Variants in NME7 observed in about 807,000 individuals in gnomAD.
NME7 encodes the protein NME/NM23 family member 7.
In NME7, 41 loss-of-function variants were observed where a neutral mutation model predicts 49.1. That is an observed-to-expected ratio of 0.83 (90% CI 0.65 to 1.08). The LOEUF is 1.08. Among genes scored for constraint, NME7 ranks in the 50% least tolerant of loss-of-function variants. The pLI is 0.00. For missense variants in NME7, 423 were observed against 463.4 expected (o/e 0.91, Z 0.80); for synonymous variants, 139 against 150.6 (o/e 0.92, Z 0.56).
intron 10 of NME7, chr1:169,190,678 A>G (rs1230591268): frequency 9.0e-6 from 4 of 446,466 alleles, no homozygotes; most frequent in African/African-American, 8.1e-5. Flanking sequence ...GCCTAAATTC[A>G]CTTGTGAGAA....
At chr1:169,248,872 T>C (rs1008808783) in intron 7 of NME7, among the ~76,000 whole-genome samples, 2 of 137,330 alleles carry the variant, frequency 1.5e-5, no homozygotes, top group African/African-American at 5.1e-5. Context: ...TTTTTGTAAC[T>C]ACAGCCTTGT....
chr1:169,336,954 G>A (rs1275134603), intron 1 of NME7, among the ~76,000 whole-genome samples: 1 of 152,116 alleles, frequency 6.6e-6, no homozygotes, highest in Non-Finnish European at 1.5e-5. Flanking sequence ...TACAATCCCT[G>A]AGCTAGACAT....
At chr1:169,306,958 G>A (rs955329461) in intron 4 of NME7, among the ~76,000 whole-genome samples, 1 of 152,216 alleles carries the variant, frequency 6.6e-6, no homozygotes, top group Non-Finnish European at 1.5e-5. Flanking sequence ...CACTGACAGA[G>A]ATGTTGAAGT....
chr1:169,367,662 T>A, intron 1 of NME7, 46 bp downstream of exon 1: 1 of 1,613,398 alleles, frequency 6.2e-7, no homozygotes, highest in Non-Finnish European at 8.5e-7. Context: ...GAAAGCTAAG[T>A]AAGTAGGACC....
chr1:169,314,703 C>T (rs1335267155), intron 3 of NME7, among the ~76,000 whole-genome samples: 1 of 151,848 alleles, frequency 6.6e-6, no homozygotes, highest in Non-Finnish European at 1.5e-5. Flanking sequence ...CACCATGGCA[C>T]ATGTATACCT....
chr1:169,354,946 T>TATTATATGTTTATATATAATATA (rs1557837010), intron 1 of NME7, among the ~76,000 whole-genome samples: 2 of 69,474 alleles, frequency 2.9e-5, no homozygotes, highest in East Asian at 5.7e-4. Context: ...ATGTATTATA[T>TATTATATGTTTATATATAATATA]ATTATATATG....
At chr1:169,181,737 T>C (rs1436479929) in intron 10 of NME7, among the ~76,000 whole-genome samples, 1 of 152,192 alleles carries the variant, frequency 6.6e-6, no homozygotes, top group African/African-American at 2.4e-5. Flanking sequence ...CTAAACCGCT[T>C]TGGCAAAGGA....
At chr1:169,364,106 T>C (rs2101992902) in intron 1 of NME7, among the ~76,000 whole-genome samples, 1 of 152,342 alleles carries the variant, frequency 6.6e-6, no homozygotes, top group Middle Eastern at 3.4e-3. Context: ...CTTTGTATTC[T>C]CTCAGACCAC....
intron 7 of NME7, 174 bp downstream of exon 7, chr1:169,287,125 CAAAT>C (rs1650306183): frequency 3.7e-6 from 2 of 542,390 alleles, no homozygotes; most frequent in Non-Finnish European, 6.5e-6. Flanking sequence ...AAAGAAAAGA[CAAAT>C]AGAGATTTAG....
intron 2 of NME7, among the ~76,000 whole-genome samples, chr1:169,323,835 CTTTTTTT>C (rs33970981): frequency 1.2e-5 from 1 of 84,258 alleles, no homozygotes; most frequent in Admixed American, 1.6e-4. Context: ...CCATTTCAGT[CTTTTTTT>C]TTTTTTTTTT....
In NME7 at chr1:169,159,571, C is replaced by G. The variant is rs1659183929; in HGVS notation, c.1098+9876G>C. Among the ~76,000 whole-genome samples the G allele has an allele frequency of 3.3e-5, 5 of 152,306 alleles. No homozygotes were observed. In the South Asian group the frequency reaches 1.0e-3, roughly 32 times the overall value. ...AGATTCTTCTTCCCTTCCCCAATCT[C>G]TAACTATTCCTATTGCTTTCTGCAG... On this transcript the variant is annotated intron_variant, in intron 11 of 11. Transcript: ENST00000367811.
intron 7 of NME7, among the ~76,000 whole-genome samples, chr1:169,239,102 A>T (rs538597135): frequency 3.9e-5 from 6 of 152,104 alleles, no homozygotes; most frequent in African/African-American, 1.4e-4. Flanking sequence ...GTCAACAAAA[A>T]TGTTGAGTGA....
At chr1:169,178,109 G>T (rs1659813883) in intron 10 of NME7, among the ~76,000 whole-genome samples, 1 of 152,088 alleles carries the variant, frequency 6.6e-6, no homozygotes, top group Non-Finnish European at 1.5e-5. Flanking sequence ...AAAGTGCTGG[G>T]ATTACAGGCG....
intron 11 of NME7, among the ~76,000 whole-genome samples, chr1:169,146,000 G>T (rs917767045): frequency 6.6e-6 from 1 of 151,748 alleles, no homozygotes; most frequent in Admixed American, 6.6e-5. Context: ...ATTGTGTGAT[G>T]GTGAGGTTTG....
intron 10 of NME7, among the ~76,000 whole-genome samples, chr1:169,207,029 G>C (rs7516097): frequency 0.24 from 37,220 of 152,006 alleles, 5,527 homozygotes; most frequent in Non-Finnish European, 0.34. Context: ...TCTGAGGATA[G>C]GTAATTTATA....
At chr1:169,327,982 C>T (rs765826898) in intron 1 of NME7, among the ~76,000 whole-genome samples, 7 of 152,160 alleles carry the variant, frequency 4.6e-5, no homozygotes, top group Non-Finnish European at 8.8e-5. Context: ...GATCAGAAAG[C>T]TATTCCATTC....
chr1:169,295,751 T>G (rs563344766), intron 6 of NME7, among the ~76,000 whole-genome samples: 1 of 152,180 alleles, frequency 6.6e-6, no homozygotes, highest in Non-Finnish European at 1.5e-5. Context: ...TAATTCAGTA[T>G]AGCAATCACA....
intron 10 of NME7, among the ~76,000 whole-genome samples, chr1:169,212,821 G>A (rs1389171090): frequency 6.6e-6 from 1 of 151,830 alleles, no homozygotes; most frequent in Non-Finnish European, 1.5e-5. Flanking sequence ...TAGAGACAGG[G>A]TCTCACTATG....
chr1:169,324,295 T>C, intron 2 of NME7, 98 bp downstream of exon 2: 1 of 675,664 alleles, frequency 1.5e-6, no homozygotes, highest in Non-Finnish European at 2.6e-6. Context: ...CACACACACA[T>C]ACATATAAAT....
Sources: gnomAD v4.1 joint callset for allele counts (sites outside exome capture counted in the v4.1 genomes callset) on GRCh38, gnomAD v4.1.1 for gene constraint, MANE v1.5 for transcripts, NCBI Gene and HGNC (gene_info 2026-07-23, HGNC 2026-07-21) for gene names.